The following GALNTL6 variants were observed in gnomAD, a reference collection of about 807,000 sequenced individuals.
The protein encoded by GALNTL6 is polypeptide N-acetylgalactosaminyltransferase-like 6.
A neutral mutation model predicts 73.7 loss-of-function variants in GALNTL6; 46 were observed. The observed-to-expected ratio is 0.62, with a 90% CI of 0.49 to 0.80. The LOEUF is 0.80. GALNTL6 is among the 30% of genes least tolerant of loss of function. The pLI is 0.00. For missense variants in GALNTL6, 604 were observed against 755.0 expected (o/e 0.80, Z 2.34); for synonymous variants, 259 against 263.7 (o/e 0.98, Z 0.17).
intron 2 of GALNTL6, among the ~76,000 whole-genome samples, chr4:171,945,881 G>A (rs1210568955): frequency 6.6e-6 from 1 of 152,024 alleles, no homozygotes; most frequent in Non-Finnish European, 1.5e-5. Context: ...TTCAATTATA[G>A]TCACAATATA....
chr4:172,834,604 T>C (rs1229814959), intron 7 of GALNTL6, among the ~76,000 whole-genome samples: 11 of 152,028 alleles, frequency 7.2e-5, no homozygotes, highest in Non-Finnish European at 1.3e-4. Context: ...AACCAAGAGA[T>C]CAGCTGGACA....
chr4:172,540,144 A>G (rs1250452378), intron 5 of GALNTL6, among the ~76,000 whole-genome samples: 1 of 147,232 alleles, frequency 6.8e-6, no homozygotes, highest in African/African-American at 2.5e-5. Context: ...TCTGCCTCCC[A>G]GGTTCAAGTG....
intron 5 of GALNTL6, among the ~76,000 whole-genome samples, chr4:172,756,110 C>G (rs1310520777): frequency 6.6e-6 from 1 of 152,140 alleles, no homozygotes; most frequent in African/African-American, 2.4e-5. Context: ...ATTCTGGTAG[C>G]TTAGCAATGC....
At chr4:172,221,127 T>C (rs1197954885) in intron 2 of GALNTL6, among the ~76,000 whole-genome samples, 1 of 151,814 alleles carries the variant, frequency 6.6e-6, no homozygotes, top group Non-Finnish European at 1.5e-5. Context: ...AAACTAACAC[T>C]CTTTCTTGGT....
chr4:172,551,196 T>C lies in GALNTL6; in HGVS notation c.553+202507T>C, dbSNP rs1735942787. On this transcript the variant is annotated intron_variant, in intron 5 of 12. Transcript: ENST00000506823. ...AGAAGACTTTCCTTACTTTGGATTA[T>C]AAAACGTTTTTTCTTCTATGTTTTG... Among the ~76,000 whole-genome samples, 3 of 152,218 alleles carry C rather than the reference T, an allele frequency of 2.0e-5. No homozygotes were observed. The South Asian group carries it at 6.2e-4, about 31-fold the overall frequency.
chr4:172,256,141 C>T (rs538012947), intron 3 of GALNTL6, among the ~76,000 whole-genome samples: 8 of 151,560 alleles, frequency 5.3e-5, no homozygotes, highest in South Asian at 2.1e-4. Context: ...TCATGAAAAT[C>T]ACCATCATCT....
At chr4:172,955,211 T>C (rs2653839) in intron 10 of GALNTL6, among the ~76,000 whole-genome samples, 94,621 of 152,070 alleles carry the variant, frequency 0.62, 30,345 homozygotes, top group African/African-American at 0.79. Context: ...GGCACGGTGG[T>C]TCACGCCTGT....
chr4:171,896,767 G>A (rs1423946824), intron 2 of GALNTL6, among the ~76,000 whole-genome samples: 1 of 152,044 alleles, frequency 6.6e-6, no homozygotes, highest in African/African-American at 2.4e-5. Context: ...TGAATTTGAG[G>A]GGGACAAAAA....
chr4:172,811,024 C>A (rs1285360205), intron 6 of GALNTL6, among the ~76,000 whole-genome samples: 1 of 152,060 alleles, frequency 6.6e-6, no homozygotes, highest in Non-Finnish European at 1.5e-5. Context: ...CACATTTTCT[C>A]ATTAAAGTAT....
intron 8 of GALNTL6, among the ~76,000 whole-genome samples, chr4:172,908,814 T>C (rs1464318651): frequency 6.6e-6 from 1 of 151,732 alleles, no homozygotes; most frequent in Non-Finnish European, 1.5e-5. Flanking sequence ...AAAAAAGACT[T>C]GAAAAAAATA....
intron 2 of GALNTL6, among the ~76,000 whole-genome samples, chr4:172,122,531 G>C (rs757868120): frequency 3.9e-5 from 6 of 152,162 alleles, no homozygotes; most frequent in Non-Finnish European, 8.8e-5. Flanking sequence ...GTACAGACCA[G>C]TTCCCATTTT....
At chr4:172,645,423 G>C (rs1740196786) in intron 5 of GALNTL6, among the ~76,000 whole-genome samples, 1 of 151,776 alleles carries the variant, frequency 6.6e-6, no homozygotes, top group Non-Finnish European at 1.5e-5. Flanking sequence ...TTATCTAATT[G>C]ATCCAGGAAC....
At chr4:172,736,278 A>G (rs896761505) in intron 5 of GALNTL6, among the ~76,000 whole-genome samples, 7 of 152,194 alleles carry the variant, frequency 4.6e-5, no homozygotes, top group Non-Finnish European at 1.0e-4. Context: ...TCCCAGAGCG[A>G]CTATTTTAGA....
At chr4:172,408,319 C>T (rs1002935626) in intron 5 of GALNTL6, among the ~76,000 whole-genome samples, 1 of 151,926 alleles carries the variant, frequency 6.6e-6, no homozygotes, top group Non-Finnish European at 1.5e-5. Context: ...TATTTTTATA[C>T]CTATACCTGT....
At chr4:172,745,390 G>A (rs1277236710) in intron 5 of GALNTL6, among the ~76,000 whole-genome samples, 1 of 149,568 alleles carries the variant, frequency 6.7e-6, no homozygotes, top group Non-Finnish European at 1.5e-5. Flanking sequence ...ATTACTAGGT[G>A]AAATTGTAGA....
At chr4:171,952,827 T>C (rs1178476614) in intron 2 of GALNTL6, among the ~76,000 whole-genome samples, 5 of 151,644 alleles carry the variant, frequency 3.3e-5, no homozygotes, top group Non-Finnish European at 5.9e-5. Flanking sequence ...CTTTGGGTTA[T>C]AGTGATTTAA....
intron 7 of GALNTL6, among the ~76,000 whole-genome samples, chr4:172,838,568 T>C (rs1406118862): frequency 6.6e-6 from 1 of 152,228 alleles, no homozygotes; most frequent in Non-Finnish European, 1.5e-5. Flanking sequence ...GGCTTTCTTT[T>C]GTCTTGCAAC....
chr4:172,547,293 T>C (rs188718425), intron 5 of GALNTL6, among the ~76,000 whole-genome samples: 1 of 152,194 alleles, frequency 6.6e-6, no homozygotes, highest in East Asian at 1.9e-4. Context: ...ATTGATAGAA[T>C]TGGTTTCAGA....
At chr4:173,026,152 T>A (rs1340223913) in intron 12 of GALNTL6, among the ~76,000 whole-genome samples, 1 of 152,252 alleles carries the variant, frequency 6.6e-6, no homozygotes, top group Non-Finnish European at 1.5e-5. Context: ...AAAGTAAGAA[T>A]TTTAATGCAC....
Sources: allele counts gnomAD v4.1 joint callset (sites outside exome capture counted in the v4.1 genomes callset), GRCh38; gene constraint gnomAD v4.1.1; transcripts MANE v1.5; gene names NCBI Gene and HGNC (gene_info 2026-07-23, HGNC 2026-07-21).